The following FAT3 variants were observed in gnomAD, a reference collection of about 807,000 sequenced individuals.
FAT3 encodes protocadherin Fat 3.
A neutral mutation model predicts 310.2 loss-of-function variants in FAT3; 95 were observed. That is an observed-to-expected ratio of 0.31 (90% CI 0.26 to 0.36). The LOEUF (loss-of-function observed/expected upper bound fraction) is 0.36, where lower values mean the gene tolerates loss of function less well. FAT3 is among the 10% of genes least tolerant of loss of function. The pLI is 1.00. For synonymous variants in FAT3, 2,314 were observed against 2,192.9 expected, an observed-to-expected ratio of 1.06 and a Z score of -1.54; for missense variants, 5,408 against 5,715.6, an observed-to-expected ratio of 0.95 and a Z score of 1.74.
chr11:92,814,714 T>C (rs1947776177), intron 13 of FAT3, among the ~76,000 whole-genome samples: 1 of 152,040 alleles, frequency 6.6e-6, no homozygotes, highest in Non-Finnish European at 1.5e-5. Context: ...TGTTGGAGTG[T>C]AGGGGACAAG....
intron 4 of FAT3, among the ~76,000 whole-genome samples, chr11:92,715,240 C>T (rs1354072621): frequency 7.1e-6 from 1 of 140,864 alleles, no homozygotes; most frequent in African/African-American, 2.7e-5. Flanking sequence ...CCCGTCTCCA[C>T]TAAAAAAAAA....
intron 3 of FAT3, among the ~76,000 whole-genome samples, chr11:92,697,128 T>G (rs1943967097): frequency 6.6e-6 from 1 of 152,216 alleles, no homozygotes; most frequent in Admixed American, 6.5e-5. Flanking sequence ...AGAAGTTTTT[T>G]TAGTGATTTT....
chr11:92,679,766 C>T (rs1033515600), intron 3 of FAT3, among the ~76,000 whole-genome samples: 2 of 134,906 alleles, frequency 1.5e-5, no homozygotes, highest in Admixed American at 8.5e-5. Context: ...GGCATGAACC[C>T]GGGAGGCGGA....
chr11:92,650,722 A>G (rs1174983763), intron 3 of FAT3, among the ~76,000 whole-genome samples: 1 of 152,164 alleles, frequency 6.6e-6, no homozygotes, highest in Non-Finnish European at 1.5e-5. Flanking sequence ...CGTCATCCCT[A>G]AGACTGAGCC....
intron 6 of FAT3, among the ~76,000 whole-genome samples, chr11:92,771,700 T>TATACAC (rs538030095): frequency 4.7e-5 from 7 of 150,148 alleles, no homozygotes; most frequent in East Asian, 2.0e-4. Context: ...TTGAGGGAGA[T>TATACAC]ATACACATAC....
At chr11:92,523,138 C>T (rs1233350791) in intron 2 of FAT3, among the ~76,000 whole-genome samples, 1 of 152,124 alleles carries the variant, frequency 6.6e-6, no homozygotes, top group Non-Finnish European at 1.5e-5. Flanking sequence ...AATCAGTGAA[C>T]ACACATCACT....
intron 3 of FAT3, among the ~76,000 whole-genome samples, chr11:92,542,939 G>C (rs888082406): frequency 6.6e-6 from 1 of 152,006 alleles, no homozygotes; most frequent in Non-Finnish European, 1.5e-5. Context: ...GTCCATCCGT[G>C]GGTAAATAGG....
At position 92,288,570 on chromosome 11, in the gene FAT3, C is replaced by T. The variant is rs182450567; in HGVS notation, c.-18+63396C>T. Among the ~76,000 whole-genome samples, 214 of 152,068 alleles carry T rather than the reference C, an allele frequency of 1.4e-3. 1 individual carries two copies. Among genetic ancestry groups the T allele is most frequent in the Admixed American group, 0.012 (176 of 15,268 alleles). On this transcript the variant is annotated intron_variant, in intron 1 of 27. Transcript: ENST00000525166. The stretch of plus-strand genomic sequence containing the variant: ...TCATCTTAAATCCTCTCCTGGAATA[C>T]GGCAGTGTGTAAATAAATGGATGAA...
At chr11:92,513,446 G>A in intron 2 of FAT3, among the ~76,000 whole-genome samples, 1 of 152,146 alleles carries the variant, frequency 6.6e-6, no homozygotes, top group East Asian at 1.9e-4. Context: ...GCTAAAAGTG[G>A]TTATGGAGCC....
intron 2 of FAT3, among the ~76,000 whole-genome samples, chr11:92,434,900 T>C (rs1455084051): frequency 6.6e-6 from 1 of 152,168 alleles, no homozygotes; most frequent in Admixed American, 6.5e-5. Context: ...GGTGACTCTG[T>C]CATGCTGAAT....
rs77802110 is a variant in FAT3, at chr11:92,881,841, T to A, written c.12282-897T>A. ...TTGCTTTAAAGAGAATAAAATTGAT[T>A]TAATTATTTTTCATTAGAATGCTTT... On this transcript the variant is annotated intron_variant, in intron 23 of 27. Transcript: ENST00000525166. Among the ~76,000 whole-genome samples, 1,132 of 152,312 alleles carry A rather than the reference T, an allele frequency of 7.4e-3. 15 individuals carry two copies. Among genetic ancestry groups the A allele is most frequent in the African/African-American group, 0.026 (1,083 of 41,568 alleles).
intron 1 of FAT3, among the ~76,000 whole-genome samples, chr11:92,275,102 A>G (rs1233873848): frequency 6.6e-6 from 1 of 152,102 alleles, no homozygotes; most frequent in African/African-American, 2.4e-5. Context: ...ATGAACGCCA[A>G]ACCTTGATTC....
At chr11:92,457,195 A>T (rs1333587969) in intron 2 of FAT3, among the ~76,000 whole-genome samples, 1 of 152,182 alleles carries the variant, frequency 6.6e-6, no homozygotes, top group Non-Finnish European at 1.5e-5. Flanking sequence ...TTTAATCGTG[A>T]TTCTATGAAT....
rs114091093 is a variant in FAT3 at position 92,306,398 on chromosome 11, A to T, written c.-17-45698A>T. On this transcript the variant is annotated intron_variant, in intron 1 of 27. Transcript: ENST00000525166. ...GTGAAAGTAGAGGCCTATTTACTGT[A>T]AAGTTTTTGTAGCTTCAGTTTTAGT... Among the ~76,000 whole-genome samples the T allele has an allele frequency of 6.6e-3, 981 of 148,094 alleles. 16 individuals are homozygous for T. The highest frequency in any genetic ancestry group is 0.022 in the African/African-American group (873 of 40,228).
At chr11:92,358,279 A>G (rs1413612217) in intron 2 of FAT3, among the ~76,000 whole-genome samples, 1 of 152,196 alleles carries the variant, frequency 6.6e-6, no homozygotes, top group African/African-American at 2.4e-5. Flanking sequence ...CCTCTTTCCT[A>G]TAAACATTAA....
At position 92,799,521 on chromosome 11, in the gene FAT3, A is replaced by G. The variant is rs1947271206; in HGVS notation, c.6508A>G (p.Thr2170Ala). The G allele has an allele frequency of 1.6e-5, 26 of 1,613,638 alleles. No individual in the cohort carries two copies. The highest frequency in any genetic ancestry group is 2.1e-5 in the Non-Finnish European group (25 of 1,179,822). ...AKDGGKPSLS[T>A]SVELPITIVN... ...GGATGGCGGAAAACCTTCTTTGTCT[A>G]CATCTGTGGAGCTTCCCATCACTAT... is the stretch of plus-strand genomic sequence containing the variant. The change falls in exon 10 of 28, where the codon ACA (threonine) becomes GCA (alanine). Residue 2170 changes from threonine (T) to alanine (A), a missense_variant. Thr to Ala is a moderately conservative substitution (Grantham distance 58). Coordinates refer to ENST00000525166, the MANE Select transcript of FAT3 (RefSeq NM_001367949.2).
chr11:92,798,973 A>G lies in FAT3; in HGVS notation c.5960A>G (p.Tyr1987Cys). The change falls in exon 10 of 28, where the codon TAT becomes TGT. Residue 1987 changes from tyrosine (Y) to cysteine (C), a missense_variant. Tyr to Cys is a radical substitution (Grantham distance 194). Around this residue, in one of 5 missense-constraint regions of FAT3, gnomAD observed 4,588 missense variants for 4,809.8 expected, o/e 0.95. Transcript: ENST00000525166. ...GGCCTCCACTTTACACAAAGCTTCT[A>G]TTCCACCTCAATCTCAGAGAACAAC... ...DSGLHFTQSF[Y>C]STSISENNTN... is the part of the protein sequence containing the mutation. The G allele has an allele frequency of 6.2e-7, 1 of 1,614,028 alleles. No homozygotes were observed. The highest frequency in any genetic ancestry group is 8.5e-7 in the Non-Finnish European group (1 of 1,179,874).
chr11:92,302,929 T>C (rs1947036478), intron 1 of FAT3, among the ~76,000 whole-genome samples: 1 of 152,176 alleles, frequency 6.6e-6, no homozygotes, highest in Non-Finnish European at 1.5e-5. Context: ...TCTTCTATTT[T>C]AGTGCATAGC....
In FAT3 at chr11:92,801,720, T is replaced by C; in HGVS notation, c.8707T>C (p.Ser2903Pro). 1 of 1,613,924 alleles carries C rather than the reference T, an allele frequency of 6.2e-7. No individual in the cohort carries two copies. Among genetic ancestry groups the C allele is most frequent in the Non-Finnish European group, 8.5e-7 (1 of 1,179,860 alleles). Residue 2903 changes from serine to proline, a missense_variant, in exon 10 of 28, where the codon TCT becomes CCT. Ser to Pro is a moderately conservative substitution (Grantham distance 74, BLOSUM62 -1). Coordinates refer to ENST00000525166, the MANE Select transcript of FAT3 (RefSeq NM_001367949.2). ...GGCCTCTGACCTTGGAGAGGCATTC[T>C]CTCTTTCCTCCACGGCCTTGGTCTC... ...VVASDLGEAF[S>P]LSSTALVSVR...
Sources: gnomAD v4.1 joint callset for allele counts (sites outside exome capture counted in the v4.1 genomes callset) on GRCh38, gnomAD v4.1.1 for gene constraint, gnomAD v4.1.1 regional missense constraint, MANE v1.5 for transcripts, NCBI Gene and HGNC (gene_info 2026-07-23, HGNC 2026-07-21) for gene names.